ZBTB8A: variants seen among roughly 807,000 people sequenced by gnomAD.
ZBTB8A encodes zinc finger and BTB domain containing 8A.
Under a neutral mutation model 37.8 loss-of-function variants are expected in ZBTB8A, and 19 were observed. The ratio of observed to expected loss-of-function variants is 0.50; its 90% CI spans 0.35 to 0.74. The LOEUF (loss-of-function observed/expected upper bound fraction) is 0.74. Ranked by LOEUF, ZBTB8A falls within the 30% of genes least tolerant of loss-of-function variation. ZBTB8A has a pLI of 0.01. For missense variants in ZBTB8A, 394 were observed against 537.8 expected, an observed-to-expected ratio of 0.73 and a Z score of 2.65; for synonymous variants, 181 against 185.2, an observed-to-expected ratio of 0.98 and a Z score of 0.19.
At position 32,601,826 on chromosome 1, in the gene ZBTB8A, A is replaced by G. The variant is rs1309235828; in HGVS notation, c.*1407A>G. On this transcript the variant is annotated 3_prime_UTR_variant, in exon 5 of 5. Transcript: ENST00000373510. ...AATTGAATCATTTTCAACAACATAC[A>G]ATATCTTGATCTAGAGATTTTCAAA... The G allele has an allele frequency of 7.6e-6, 3 of 396,540 alleles. No homozygotes were observed. The highest frequency in any genetic ancestry group is 1.3e-5 in the Non-Finnish European group (3 of 225,376). The allele number at this position is 396,540 out of a possible 1,614,324, so 24.6% of individuals were successfully genotyped here. A position where few individuals can be genotyped will look rare whatever the true frequency, so the allele number is the denominator to read the frequency against.
intron 3 of ZBTB8A, among the ~76,000 whole-genome samples, chr1:32,594,485 G>A (rs867483128): frequency 6.6e-6 from 1 of 151,344 alleles, no homozygotes; most frequent in Admixed American, 6.6e-5. Context: ...AATACAGGCC[G>A]GGCACAGTGG....
At chr1:32,591,062 C>CT (rs568744807) in intron 2 of ZBTB8A, among the ~76,000 whole-genome samples, 1,565 of 123,846 alleles carry the variant, frequency 0.013, 13 homozygotes, top group Admixed American at 0.017. Context: ...CCCAGCTAAA[C>CT]TTTTTTTTTT....
At chr1:32,581,952 GTT>G (rs931616378) in intron 2 of ZBTB8A, among the ~76,000 whole-genome samples, 18 of 152,204 alleles carry the variant, frequency 1.2e-4, no homozygotes, top group Admixed American at 2.6e-4. Context: ...CTATCATTCA[GTT>G]ACCTCCACCT....
At position 32,594,932 on chromosome 1, in the gene ZBTB8A, A is replaced by G. The variant is rs147657011; in HGVS notation, c.824-122A>G. ...AACCAACTCCTTGTGAATTCTTTTT[A>G]TTTCTTTTTTTTTAAGTTTATTTTT... On this transcript the variant is annotated intron_variant, in intron 3 of 4. Transcript: ENST00000373510. The G allele has an allele frequency of 1.5e-3, 1,583 of 1,076,040 alleles. 12 individuals carry two copies. The African/African-American group carries it at 0.019, about 13-fold the overall frequency. The allele number at this position is 1,076,040 out of a possible 1,614,324, so 66.7% of individuals were successfully genotyped here.
At chr1:32,554,105 C>T (rs1644179697) in intron 2 of ZBTB8A, among the ~76,000 whole-genome samples, 1 of 145,916 alleles carries the variant, frequency 6.9e-6, no homozygotes, top group African/African-American at 2.5e-5. Context: ...GAGGCTGAGA[C>T]AGGAGAATCA....
chr1:32,600,665 C>G lies in ZBTB8A; in HGVS notation c.*246C>G. The G allele has an allele frequency of 2.4e-6, 1 of 409,284 alleles. No homozygotes were observed. 25.4% of individuals were successfully genotyped at this position (409,284 alleles called of 1,614,324 possible). On this transcript the variant is annotated 3_prime_UTR_variant, in exon 5 of 5. Coordinates refer to ENST00000373510, the MANE Select transcript of ZBTB8A (RefSeq NM_001040441.3). ...TTGGCTTGATGGATGAACAATTATC[C>G]TCTTACTTTCATTACAATCCTCTTA...
At chr1:32,588,765 C>T (rs528802442) in intron 2 of ZBTB8A, among the ~76,000 whole-genome samples, 4 of 151,982 alleles carry the variant, frequency 2.6e-5, no homozygotes, top group African/African-American at 7.3e-5. Flanking sequence ...AGGCAGATCA[C>T]CTGAAGTTGA....
chr1:32,577,102 G>A (rs1402990757), intron 2 of ZBTB8A, among the ~76,000 whole-genome samples: 1 of 151,344 alleles, frequency 6.6e-6, no homozygotes, highest in Non-Finnish European at 1.5e-5. Context: ...CTCGACTCTT[G>A]ACCTCAGGTG....
chr1:32,596,869 A>G (rs1040238270), intron 4 of ZBTB8A, among the ~76,000 whole-genome samples: 2 of 152,142 alleles, frequency 1.3e-5, no homozygotes, highest in African/African-American at 4.8e-5. Flanking sequence ...TAAACTGTAT[A>G]AATGCTTTAA....
At chr1:32,556,878 C>CA (rs1008934385) in intron 2 of ZBTB8A, among the ~76,000 whole-genome samples, 26 of 149,416 alleles carry the variant, frequency 1.7e-4, no homozygotes, top group Admixed American at 1.2e-3. Context: ...TCTGTCTCAA[C>CA]AAAAAAAACA....
intron 2 of ZBTB8A, among the ~76,000 whole-genome samples, chr1:32,557,538 C>A (rs1288107181): frequency 6.6e-6 from 1 of 152,290 alleles, no homozygotes; most frequent in East Asian, 1.9e-4. Flanking sequence ...TCCGAACTCG[C>A]TGCAGCCTCC....
intron 2 of ZBTB8A, among the ~76,000 whole-genome samples, chr1:32,560,615 C>CTTTTTTTTTTTTTTTTTTTT (rs1170510859): frequency 3.7e-4 from 34 of 90,790 alleles, no homozygotes; most frequent in Non-Finnish European, 4.9e-4. Context: ...TCTTTTCTTT[C>CTTTTTTTTTTTTTTTTTTTT]TTTTTTTTTT....
At chr1:32,559,620 A>G (rs1644228564) in intron 2 of ZBTB8A, among the ~76,000 whole-genome samples, 1 of 151,696 alleles carries the variant, frequency 6.6e-6, no homozygotes, top group South Asian at 2.1e-4. Flanking sequence ...ACATGCCACC[A>G]TGCCTGGGTA....
chr1:32,578,426 T>C (rs1644379454), intron 2 of ZBTB8A, among the ~76,000 whole-genome samples: 1 of 152,026 alleles, frequency 6.6e-6, no homozygotes, highest in African/African-American at 2.4e-5. Flanking sequence ...TTAGCTAGTC[T>C]GGTCTCCATC....
rs906720345 is a variant in ZBTB8A, at chr1:32,544,327, T to TAGGA, written c.-84+4758_-84+4759insAAGG. Among the ~76,000 whole-genome samples the TAGGA allele has an allele frequency of 2.4e-4, 37 of 152,370 alleles. 1 individual carries two copies. Among genetic ancestry groups the TAGGA allele is most frequent in the African/African-American group, 8.9e-4 (37 of 41,600 alleles). Reference sequence around the variant, plus strand: ...GCTGTATGGTATAGCCTATGGCTCCTAGGCTACAATCCTGTATAGCATAAT... The same window carrying TAGGA: ...GCTGTATGGTATAGCCTATGGCTCCTAGGAAGGCTACAATCCTGTATAGCATAAT... On this transcript the variant is annotated intron_variant, in intron 1 of 4. Coordinates refer to ENST00000373510, the MANE Select transcript of ZBTB8A (RefSeq NM_001040441.3).
intron 2 of ZBTB8A, among the ~76,000 whole-genome samples, chr1:32,554,708 A>ACCT (rs1644186747): frequency 6.6e-6 from 1 of 151,832 alleles, no homozygotes; most frequent in Non-Finnish European, 1.5e-5. Flanking sequence ...CGAACTCCTG[A>ACCT]CCTCAGGTGA....
At chr1:32,547,003 G>A (rs999961633) in intron 1 of ZBTB8A, among the ~76,000 whole-genome samples, 2 of 151,916 alleles carry the variant, frequency 1.3e-5, no homozygotes, top group Non-Finnish European at 2.9e-5. Flanking sequence ...TCAGGCTCAA[G>A]TGATCCTCCC....
At chr1:32,557,226 T>G (rs1644210341) in intron 2 of ZBTB8A, among the ~76,000 whole-genome samples, 1 of 152,050 alleles carries the variant, frequency 6.6e-6, no homozygotes, top group Admixed American at 6.6e-5. Context: ...CACTTGAACC[T>G]GGGAGGCAGA....
chr1:32,601,985 T>C lies in ZBTB8A; in HGVS notation c.*1566T>C. The C allele has an allele frequency of 4.2e-6, 1 of 236,232 alleles. No individual in the cohort carries two copies. The highest frequency in any genetic ancestry group is 8.1e-6 in the Non-Finnish European group (1 of 123,866). 14.6% of individuals were successfully genotyped at this position (236,232 alleles called of 1,614,324 possible). A position where few individuals can be genotyped will look rare whatever the true frequency, so the allele number is the denominator to read the frequency against. On this transcript the variant is annotated 3_prime_UTR_variant, in exon 5 of 5. Coordinates refer to ENST00000373510, the MANE Select transcript of ZBTB8A (RefSeq NM_001040441.3). Reference sequence around the variant, plus strand: ...TGTTGAACATTTTTGCTTCTCTTGTTTATATAATATTTTCAAAACAAACTT... The same window carrying C: ...TGTTGAACATTTTTGCTTCTCTTGTCTATATAATATTTTCAAAACAAACTT...
Sources: gnomAD v4.1 joint callset for allele counts (sites outside exome capture counted in the v4.1 genomes callset) on GRCh38, gnomAD v4.1.1 for gene constraint, MANE v1.5 for transcripts, NCBI Gene and HGNC (gene_info 2026-07-23, HGNC 2026-07-21) for gene names.